The following CERT1 variants were observed in gnomAD, a reference collection of about 807,000 sequenced individuals.
CERT1 encodes the protein ceramide transfer protein.
Under a neutral mutation model 87.9 loss-of-function variants are expected in CERT1, and 31 were observed. The ratio of observed to expected loss-of-function variants is 0.35; its 90% CI spans 0.27 to 0.48. CERT1 has a LOEUF of 0.48. Among genes scored for constraint, CERT1 ranks in the 20% least tolerant of loss-of-function variants. The pLI, the probability that CERT1 is intolerant of heterozygous loss-of-function variation, is 0.99. For synonymous variants in CERT1, 289 were observed against 250.9 expected, an observed-to-expected ratio of 1.15 and a Z score of -1.44; for missense variants, 487 against 758.0, an observed-to-expected ratio of 0.64 and a Z score of 4.20.
chr5:75,453,637 A>G (rs576903761), intron 3 of CERT1, among the ~76,000 whole-genome samples: 6 of 152,298 alleles, frequency 3.9e-5, no homozygotes, highest in African/African-American at 1.4e-4. Flanking sequence ...CCTAATCTGT[A>G]AAAACAGGAT....
At chr5:75,409,069 T>A (rs1048167226) in intron 8 of CERT1, among the ~76,000 whole-genome samples, 1 of 152,110 alleles carries the variant, frequency 6.6e-6, no homozygotes, top group African/African-American at 2.4e-5. Context: ...TATTTGAATT[T>A]TTGTACAATC....
chr5:75,388,382 T>C (rs1443797470), intron 12 of CERT1, among the ~76,000 whole-genome samples: 1 of 151,898 alleles, frequency 6.6e-6, no homozygotes, highest in East Asian at 1.9e-4. Context: ...TGCTTTCAAG[T>C]TTTTGCTCAC....
At chr5:75,477,647 T>TAAAAAAAAAAAAAAAAA (rs540588442) in intron 2 of CERT1, among the ~76,000 whole-genome samples, 2 of 89,508 alleles carry the variant, frequency 2.2e-5, no homozygotes, top group Non-Finnish European at 4.3e-5. Flanking sequence ...TAATAAGTTG[T>TAAAAAAAAAAAAAAAAA]AAAAAAAAAA....
At chr5:75,450,574 C>G (rs1764731428) in intron 3 of CERT1, among the ~76,000 whole-genome samples, 1 of 152,210 alleles carries the variant, frequency 6.6e-6, no homozygotes, top group African/African-American at 2.4e-5. Context: ...GAGACTGAGT[C>G]TAGAGCCTTT....
At chr5:75,416,221 T>C (rs1561246973) in intron 7 of CERT1, among the ~76,000 whole-genome samples, 1 of 152,218 alleles carries the variant, frequency 6.6e-6, no homozygotes, top group Non-Finnish European at 1.5e-5. Flanking sequence ...TTCCTTCTTC[T>C]ATAAAATGAT....
intron 2 of CERT1, among the ~76,000 whole-genome samples, chr5:75,481,850 A>AT (rs1412750344): frequency 6.6e-6 from 1 of 152,150 alleles, no homozygotes; most frequent in Non-Finnish European, 1.5e-5. Context: ...TTTGGCTACA[A>AT]TGATAATAAA....
chr5:75,389,461 G>C, intron 12 of CERT1, 131 bp downstream of exon 12: 1 of 691,812 alleles, frequency 1.4e-6, no homozygotes, highest in Non-Finnish European at 2.5e-6. Flanking sequence ...ATATGGTACT[G>C]CTTTGATCAC....
At chr5:75,374,790 CCCCA>C, downstream of CERT1, 1 of 544,318 alleles carries the variant, frequency 1.8e-6, no homozygotes, top group Non-Finnish European at 3.6e-6. Context: ...GCCCCATGAC[CCCCA>C]CCAAAGCCCA....
chr5:75,406,412 AT>A (rs553746105), intron 8 of CERT1, among the ~76,000 whole-genome samples: 57 of 152,380 alleles, frequency 3.7e-4, no homozygotes, highest in African/African-American at 8.9e-4. Context: ...CATGACATAC[AT>A]TATGATAACT....
At chr5:75,391,806 A>C (rs1762035883) in intron 11 of CERT1, among the ~76,000 whole-genome samples, 1 of 152,212 alleles carries the variant, frequency 6.6e-6, no homozygotes, top group Non-Finnish European at 1.5e-5. Flanking sequence ...TTTAGATTTG[A>C]GTATATCTTT....
intron 3 of CERT1, among the ~76,000 whole-genome samples, chr5:75,426,821 C>T (rs544160953): frequency 6.6e-6 from 1 of 152,260 alleles, no homozygotes; most frequent in South Asian, 2.1e-4. Context: ...CACAGAGTTT[C>T]AGCTGGGGAA....
intron 2 of CERT1, among the ~76,000 whole-genome samples, chr5:75,490,365 T>C (rs1299691066): frequency 3.3e-5 from 5 of 152,204 alleles, no homozygotes; most frequent in African/African-American, 1.2e-4. Flanking sequence ...TTTTTTCTTC[T>C]TCAGAGACTC....
chr5:75,374,744 C>A (rs188143860), downstream of CERT1: 1 of 567,108 alleles, frequency 1.8e-6, no homozygotes, highest in Non-Finnish European at 3.4e-6. Flanking sequence ...GGAGAAGGAT[C>A]GAACACCTCC....
intron 3 of CERT1, among the ~76,000 whole-genome samples, chr5:75,455,718 C>G (rs1223338314): frequency 2.0e-5 from 3 of 152,154 alleles, no homozygotes; most frequent in Non-Finnish European, 4.4e-5. Context: ...TTATACACCA[C>G]AATTTGCAGG....
intron 3 of CERT1, among the ~76,000 whole-genome samples, chr5:75,435,830 T>A (rs935641972): frequency 6.6e-6 from 1 of 152,048 alleles, no homozygotes; most frequent in Non-Finnish European, 1.5e-5. Flanking sequence ...AAAAACACTC[T>A]GATGGGGACT....
At chr5:75,406,066 T>C (rs1032400596) in intron 8 of CERT1, among the ~76,000 whole-genome samples, 2 of 152,204 alleles carry the variant, frequency 1.3e-5, no homozygotes. Context: ...TTCTTCCTAC[T>C]GCAGGGAGAA....
At chr5:75,395,238 A>G (rs1027138123) in intron 11 of CERT1, among the ~76,000 whole-genome samples, 1 of 152,212 alleles carries the variant, frequency 6.6e-6, no homozygotes, top group Non-Finnish European at 1.5e-5. Flanking sequence ...TGTTATGCAA[A>G]TAACTGTGAA....
chr5:75,506,814 C>T (rs188172029), intron 1 of CERT1, among the ~76,000 whole-genome samples: 74 of 152,234 alleles, frequency 4.9e-4, no homozygotes, highest in African/African-American at 1.7e-3. Context: ...TTTTCAAAAA[C>T]ATATTGGATT....
chr5:75,454,050 G>C (rs1425060371), intron 3 of CERT1, among the ~76,000 whole-genome samples: 1 of 152,144 alleles, frequency 6.6e-6, no homozygotes, highest in South Asian at 2.1e-4. Flanking sequence ...TCTACTAATG[G>C]CAAGTGGTGC....
Sources: allele counts gnomAD v4.1 joint callset (sites outside exome capture counted in the v4.1 genomes callset), GRCh38; gene constraint gnomAD v4.1.1; transcripts MANE v1.5; gene names NCBI Gene and HGNC (gene_info 2026-07-23, HGNC 2026-07-21).